CACNA1D: variants seen among roughly 807,000 people sequenced by gnomAD.
CACNA1D encodes calcium voltage-gated channel subunit alpha1 D.
Under a neutral mutation model 257.1 loss-of-function variants are expected in CACNA1D, and 55 were observed. The observed-to-expected ratio is 0.21, with a 90% confidence interval of 0.17 to 0.27. The LOEUF is 0.27. Ranked by LOEUF, CACNA1D falls within the 10% of genes least tolerant of loss-of-function variation. The pLI is 1.00. For synonymous variants in CACNA1D, 980 were observed against 1,014.9 expected, an observed-to-expected ratio of 0.97 and a Z score of 0.65; for missense variants, 1,876 against 2,784.0, an observed-to-expected ratio of 0.67 and a Z score of 7.34.
At chr3:53,727,028 G>T (rs1287511387) in intron 15 of CACNA1D, 29 bp downstream of exon 15, 11 of 1,613,814 alleles carry the variant, frequency 6.8e-6, no homozygotes, top group Non-Finnish European at 9.3e-6. Context: ...AGGCTTTGTT[G>T]TTGCCGTCGT....
At chr3:53,797,817 A>G (rs931588087) in intron 40 of CACNA1D, 7 of 152,354 alleles carry the variant, frequency 4.6e-5, no homozygotes, top group African/African-American at 1.4e-4. Flanking sequence ...ATGACAGTAA[A>G]TAGGATTATA....
chr3:53,497,980 T>G (rs943569070), intron 2 of CACNA1D, among the ~76,000 whole-genome samples: 3 of 152,258 alleles, frequency 2.0e-5, no homozygotes, highest in African/African-American at 4.8e-5. Context: ...AGTCTGACAT[T>G]TGGTGATTCT....
chr3:53,696,308 T>C (rs971388045), intron 8 of CACNA1D, among the ~76,000 whole-genome samples: 1 of 152,218 alleles, frequency 6.6e-6, no homozygotes, highest in Non-Finnish European at 1.5e-5. Context: ...GGTGTCTACC[T>C]TCTCCTTCCT....
chr3:53,508,511 T>C (rs2107210906), intron 3 of CACNA1D, among the ~76,000 whole-genome samples: 1 of 152,320 alleles, frequency 6.6e-6, no homozygotes, highest in Non-Finnish European at 1.5e-5. Flanking sequence ...CCAGTGTCTG[T>C]TGTTTCCCTC....
intron 29 of CACNA1D, among the ~76,000 whole-genome samples, chr3:53,758,299 T>A (rs1345777126): frequency 6.6e-6 from 1 of 152,166 alleles, no homozygotes; most frequent in African/African-American, 2.4e-5. Flanking sequence ...CCTGCCAGCA[T>A]GGGTAAGAGA....
At chr3:53,663,429 A>T (rs1292896646) in intron 5 of CACNA1D, among the ~76,000 whole-genome samples, 1 of 152,136 alleles carries the variant, frequency 6.6e-6, no homozygotes, top group Non-Finnish European at 1.5e-5. Flanking sequence ...GGCCATGGAG[A>T]GGATGGGGGA....
In CACNA1D at chr3:53,801,587, G is replaced by T. The variant is rs372501203; in HGVS notation, c.5408+162G>T. Reference sequence around the variant, plus strand: ...TGTGAGTGCCCCCCAGGTCACTGCTGCCTCTGACACTCTCCACGTGATGGA... The same window carrying T: ...TGTGAGTGCCCCCCAGGTCACTGCTTCCTCTGACACTCTCCACGTGATGGA... On this transcript the variant is annotated intron_variant, in intron 42 of 47. Transcript: ENST00000350061. Among the ~76,000 whole-genome samples the T allele has an allele frequency of 5.9e-5, 9 of 152,240 alleles. 1 individual carries two copies. The highest frequency in any genetic ancestry group is 3.3e-4 in the Admixed American group (5 of 15,292).
rs550717125 is a variant in CACNA1D, at chr3:53,495,367, A to G, written c.67+134A>G. ...GTGCTGCCAGCTCGGTGTCGTCTAC[A>G]CAGAGAGGGGACATGCGTGACAGCC... On this transcript the variant is annotated intron_variant, in intron 1 of 47. Coordinates refer to ENST00000350061, the MANE Select transcript of CACNA1D (RefSeq NM_001128840.3). This position sits in a 1 kb window ranked among gnomAD's most constrained non-coding sequence, Gnocchi z 5.1. 5.0e-6 allele frequency: 5 copies of G among 997,792 alleles called. No homozygotes were observed. The South Asian group carries it at 6.5e-5, about 13-fold the overall frequency. 61.8% of individuals were successfully genotyped at this position (997,792 alleles called of 1,614,324 possible).
intron 3 of CACNA1D, among the ~76,000 whole-genome samples, chr3:53,625,610 A>G (rs2093749098): frequency 6.6e-6 from 1 of 152,198 alleles, no homozygotes; most frequent in Non-Finnish European, 1.5e-5. Context: ...CCAGGTTTGT[A>G]ATATAGTCAA....
chr3:53,565,127 A>G (rs545275501), intron 3 of CACNA1D, among the ~76,000 whole-genome samples: 26 of 152,156 alleles, frequency 1.7e-4, no homozygotes, highest in African/African-American at 5.3e-4. Flanking sequence ...ATTTCCTTAT[A>G]TGCTCATATC....
At chr3:53,728,533 A>G (rs1368087281) in intron 15 of CACNA1D, among the ~76,000 whole-genome samples, 1 of 152,156 alleles carries the variant, frequency 6.6e-6, no homozygotes, top group African/African-American at 2.4e-5. Flanking sequence ...ACATCTCTCA[A>G]TAGAGTACGG....
At chr3:53,553,591 G>T (rs1361522993) in intron 3 of CACNA1D, among the ~76,000 whole-genome samples, 1 of 152,144 alleles carries the variant, frequency 6.6e-6, no homozygotes, top group Non-Finnish European at 1.5e-5. Context: ...ATTAGAAAAA[G>T]AAATAGTTGT....
chr3:53,751,328 C>T lies in CACNA1D; in HGVS notation c.3517-421C>T, dbSNP rs148439616. Among the ~76,000 whole-genome samples, 1,805 of 152,330 alleles carry T rather than the reference C, an allele frequency of 0.012. 7 individuals are homozygous for T. The highest frequency in any genetic ancestry group is 0.02 in the Middle Eastern group (6 of 294). On this transcript the variant is annotated intron_variant, in intron 27 of 47. Coordinates refer to ENST00000350061, the MANE Select transcript of CACNA1D (RefSeq NM_001128840.3). The surrounding 1 kb of genome is among the most constrained non-coding windows in gnomAD (Gnocchi z 4.3). ...CTCCTTTCCTGGAGGACAGCACAGGCAGGGGAACTATAGGTGTGATCCACC... is the reference window on the plus strand; with the variant it reads ...CTCCTTTCCTGGAGGACAGCACAGGTAGGGGAACTATAGGTGTGATCCACC...
chr3:53,663,825 G>A (rs549802972), intron 5 of CACNA1D, among the ~76,000 whole-genome samples: 1 of 151,918 alleles, frequency 6.6e-6, no homozygotes, highest in East Asian at 1.9e-4. Context: ...GTCTTGCTCT[G>A]TCACCCAGAC....
chr3:53,592,351 T>C (rs148311408), intron 3 of CACNA1D, among the ~76,000 whole-genome samples: 1 of 151,744 alleles, frequency 6.6e-6, no homozygotes, highest in Non-Finnish European at 1.5e-5. Flanking sequence ...TGTGTGTGTG[T>C]GGGGGAAGGA....
intron 3 of CACNA1D, among the ~76,000 whole-genome samples, chr3:53,580,195 G>A (rs1019434205): frequency 3.3e-5 from 5 of 152,178 alleles, no homozygotes; most frequent in African/African-American, 1.2e-4. Flanking sequence ...AGGGAGTTGT[G>A]GAGGAATACA....
chr3:53,576,501 A>G (rs1333450343), intron 3 of CACNA1D, among the ~76,000 whole-genome samples: 1 of 152,216 alleles, frequency 6.6e-6, no homozygotes, highest in African/African-American at 2.4e-5. Flanking sequence ...TCCATCCTCC[A>G]TCAGACTAAT....
intron 3 of CACNA1D, among the ~76,000 whole-genome samples, chr3:53,643,840 C>G (rs2093990424): frequency 6.6e-6 from 1 of 152,188 alleles, no homozygotes; most frequent in Non-Finnish European, 1.5e-5. Flanking sequence ...GAACAGCTTG[C>G]CTTCGTGCAG....
chr3:53,549,725 A>AT (rs2092489976), intron 3 of CACNA1D, among the ~76,000 whole-genome samples: 1 of 152,236 alleles, frequency 6.6e-6, no homozygotes, highest in African/African-American at 2.4e-5. Context: ...ATATTTAAAA[A>AT]CAATTAAAAT....
Sources: gnomAD v4.1 joint callset for allele counts (sites outside exome capture counted in the v4.1 genomes callset) on GRCh38, gnomAD v4.1.1 for gene constraint, Gnocchi (gnomAD v3.1) non-coding constraint, MANE v1.5 for transcripts, NCBI Gene and HGNC (gene_info 2026-07-23, HGNC 2026-07-21) for gene names.